Variants in CSMD1 observed in about 807,000 individuals in gnomAD.
CSMD1 encodes the protein CUB and sushi domain-containing protein 1.
In CSMD1, 213 loss-of-function variants were observed where a neutral mutation model predicts 417.5. That is an observed-to-expected ratio of 0.51 (90% CI 0.46 to 0.57). The LOEUF (loss-of-function observed/expected upper bound fraction) is 0.57. Among genes scored for constraint, CSMD1 ranks in the 20% least tolerant of loss-of-function variants. The probability of loss-of-function intolerance (pLI) is 0.00; values close to 1 mark genes in which losing one functional copy is unlikely to be tolerated. For missense variants in CSMD1, 6,923 were observed against 4,529.7 expected (o/e 1.53, Z -15.17); for synonymous variants, 2,862 against 1,736.8 (o/e 1.65, Z -16.11).
chr8:4,692,003 C>A (rs1215472546), intron 1 of CSMD1, among the ~76,000 whole-genome samples: 1 of 152,154 alleles, frequency 6.6e-6, no homozygotes, highest in African/African-American at 2.4e-5. Flanking sequence ...TCTTCAGTGC[C>A]CTCTTGTACA....
chr8:3,915,465 G>A (rs181648396), intron 5 of CSMD1, among the ~76,000 whole-genome samples: 109 of 150,330 alleles, frequency 7.3e-4, no homozygotes, highest in African/African-American at 2.5e-3. Context: ...TCACTTCAAG[G>A]ACTTCAGGGA....
intron 5 of CSMD1, among the ~76,000 whole-genome samples, chr8:3,819,689 T>C (rs912583800): frequency 6.6e-6 from 1 of 152,094 alleles, no homozygotes; most frequent in Non-Finnish European, 1.5e-5. Context: ...GGGTCTTAGG[T>C]GATCCTCCAA....
intron 3 of CSMD1, among the ~76,000 whole-genome samples, chr8:4,326,910 G>A (rs986685364): frequency 2.0e-5 from 3 of 152,150 alleles, no homozygotes; most frequent in Non-Finnish European, 4.4e-5. Flanking sequence ...AGGAGGAAAA[G>A]TAAGTTAGGA....
intron 5 of CSMD1, among the ~76,000 whole-genome samples, chr8:3,995,943 T>C (rs558826432): frequency 1.3e-5 from 2 of 152,300 alleles, no homozygotes; most frequent in South Asian, 2.1e-4. Flanking sequence ...AGAAGATGTC[T>C]TCCAGCCTGG....
At position 4,457,042 on chromosome 8, in the gene CSMD1, C is replaced by A. The variant is rs146524078; in HGVS notation, c.303-36977G>T. Among the ~76,000 whole-genome samples, 396 of 150,814 alleles carry A rather than the reference C, an allele frequency of 2.6e-3. 1 individual carries two copies. Among genetic ancestry groups the A allele is most frequent in the African/African-American group, 9.2e-3 (376 of 40,968 alleles). Reference sequence around the variant, plus strand: ...CAATGTTAATCGCTGATTCCTGGAGCATCTCAGAGAATTAAGCCCCATACC... The same window carrying A: ...CAATGTTAATCGCTGATTCCTGGAGAATCTCAGAGAATTAAGCCCCATACC... On this transcript the variant is annotated intron_variant, in intron 2 of 69. Coordinates refer to ENST00000635120, the MANE Select transcript of CSMD1 (RefSeq NM_033225.6).
intron 11 of CSMD1, among the ~76,000 whole-genome samples, chr8:3,480,012 C>A (rs1326342346): frequency 6.6e-6 from 1 of 152,114 alleles, no homozygotes. Context: ...AATCAGTGAA[C>A]TTGAGATCAA....
chr8:4,818,779 C>T (rs986674063), intron 1 of CSMD1, among the ~76,000 whole-genome samples: 1 of 152,170 alleles, frequency 6.6e-6, no homozygotes, highest in African/African-American at 2.4e-5. Context: ...TCGCTTGGTA[C>T]TTTGTAAAAC....
chr8:4,052,155 C>A lies in CSMD1; in HGVS notation c.416-20056G>T, dbSNP rs537595484. ...GGTCAGGGTGGTCTCGAACTCCTGACCTGAAGTGATCCACCCACCTTGGCC... is the reference window on the plus strand; with the variant it reads ...GGTCAGGGTGGTCTCGAACTCCTGAACTGAAGTGATCCACCCACCTTGGCC... On this transcript the variant is annotated intron_variant, in intron 3 of 69. Coordinates refer to ENST00000635120, the MANE Select transcript of CSMD1 (RefSeq NM_033225.6). 4.6e-5 allele frequency among the ~76,000 whole-genome samples: 7 copies of A among 152,124 alleles called. No homozygotes were observed. The East Asian group carries it at 1.2e-3, about 25-fold the overall frequency.
chr8:3,144,187 T>A (rs1244851689), intron 40 of CSMD1, among the ~76,000 whole-genome samples: 1 of 152,060 alleles, frequency 6.6e-6, no homozygotes, highest in Non-Finnish European at 1.5e-5. Context: ...CTCTGAAATG[T>A]TAGATGTTCT....
chr8:4,132,210 TTTTTTC>T lies in CSMD1; in HGVS notation c.416-100117_416-100112del, dbSNP rs1392900943. ...GTCATGGATTTTTTTTTTTTTTTTT[TTTTTTC>T]ACGGGGTAGTAATACCCCTTTCTAA... On this transcript the variant is annotated intron_variant, in intron 3 of 69. Transcript: ENST00000635120. 2.9e-3 allele frequency among the ~76,000 whole-genome samples: 156 copies of T among 54,088 alleles called. 2 individuals are homozygous for T. The highest frequency in any genetic ancestry group is 6.9e-3 in the African/African-American group (143 of 20,782). The allele number at this position is 54,088 out of a possible 152,430, so 35.5% of individuals were successfully genotyped here. A position where few individuals can be genotyped will look rare whatever the true frequency, so the allele number is the denominator to read the frequency against.
At chr8:3,304,118 T>C (rs1390822707) in intron 25 of CSMD1, among the ~76,000 whole-genome samples, 1 of 152,220 alleles carries the variant, frequency 6.6e-6, no homozygotes, top group African/African-American at 2.4e-5. Context: ...CGGCTGTTTA[T>C]TCATTCCTTG....
chr8:4,838,559 G>C (rs1022094896), intron 1 of CSMD1, among the ~76,000 whole-genome samples: 1 of 152,218 alleles, frequency 6.6e-6, no homozygotes, highest in East Asian at 1.9e-4. Flanking sequence ...TTACACCTGG[G>C]TGGGGGTGCA....
intron 1 of CSMD1, among the ~76,000 whole-genome samples, chr8:4,810,040 AT>A (rs2117328302): frequency 6.6e-6 from 1 of 152,358 alleles, no homozygotes; most frequent in South Asian, 2.1e-4. Flanking sequence ...TTAGCTCAAT[AT>A]AAATGTTATA....
At chr8:3,348,910 T>C (rs947308766) in intron 21 of CSMD1, among the ~76,000 whole-genome samples, 6 of 152,166 alleles carry the variant, frequency 3.9e-5, no homozygotes, top group South Asian at 2.1e-4. Context: ...AAGTGAACAG[T>C]TTAGGTCAAG....
At chr8:4,083,743 A>G (rs1369054348) in intron 3 of CSMD1, among the ~76,000 whole-genome samples, 2 of 152,326 alleles carry the variant, frequency 1.3e-5, no homozygotes, top group East Asian at 3.9e-4. Context: ...AAACCCTAGA[A>G]GAAAACCTAG....
intron 3 of CSMD1, among the ~76,000 whole-genome samples, chr8:4,284,097 G>A (rs1796931962): frequency 4.6e-5 from 7 of 152,308 alleles, no homozygotes; most frequent in Admixed American, 3.9e-4. Flanking sequence ...GCTAGGCATG[G>A]TGGCTCACAC....
chr8:3,570,020 C>T (rs1179490809), intron 10 of CSMD1, among the ~76,000 whole-genome samples: 4 of 152,100 alleles, frequency 2.6e-5, no homozygotes, highest in Non-Finnish European at 5.9e-5. Flanking sequence ...CATAAGTGTA[C>T]ACAAAGATGA....
chr8:3,609,480 G>T (rs570672914), intron 8 of CSMD1, among the ~76,000 whole-genome samples: 1 of 152,026 alleles, frequency 6.6e-6, no homozygotes, highest in African/African-American at 2.4e-5. Context: ...TTTTCTTCGG[G>T]TATTTTATAC....
At chr8:3,723,631 C>G (rs1175647932) in intron 6 of CSMD1, among the ~76,000 whole-genome samples, 1 of 150,496 alleles carries the variant, frequency 6.6e-6, no homozygotes, top group Admixed American at 6.7e-5. Context: ...GAATTTTAGA[C>G]AAGTAGTGTC....
Sources: allele counts gnomAD v4.1 joint callset (sites outside exome capture counted in the v4.1 genomes callset), GRCh38; gene constraint gnomAD v4.1.1; transcripts MANE v1.5; gene names NCBI Gene and HGNC (gene_info 2026-07-23, HGNC 2026-07-21).